Variants in NXN observed in about 807,000 individuals in gnomAD.
The protein encoded by NXN is nucleoredoxin 1.
NXN carries 16 observed loss-of-function variants against 48.6 expected under a neutral mutation model. The observed-to-expected ratio is 0.33, with a 90% confidence interval of 0.22 to 0.50. NXN has a LOEUF of 0.50. Among genes scored for constraint, NXN ranks in the 20% least tolerant of loss-of-function variants. The probability of loss-of-function intolerance (pLI) is 0.98; values close to 1 mark genes in which losing one functional copy is unlikely to be tolerated. For synonymous variants in NXN, 281 were observed against 269.6 expected (o/e 1.04, Z -0.41); for missense variants, 492 against 605.5 (o/e 0.81, Z 1.97).
intron 1 of NXN, 75 bp from the exon 2 acceptor site, chr17:826,153 G>A (rs1212077249): frequency 1.1e-6 from 1 of 951,120 alleles, no homozygotes; most frequent in South Asian, 1.3e-5. Context: ...AGCCCCTTAG[G>A]TCTGGAGGCT....
chr17:908,550 A>C (rs1017757007), intron 1 of NXN, among the ~76,000 whole-genome samples: 3 of 152,132 alleles, frequency 2.0e-5, no homozygotes, highest in African/African-American at 7.2e-5. Context: ...GAAACAAAAC[A>C]AAACAAAAAA....
rs1913066196 is a variant in NXN at position 825,745 on chromosome 17, A to T, written c.478+216T>A. 2 of 498,374 alleles carry T rather than the reference A, an allele frequency of 4.0e-6. No homozygotes were observed. The highest frequency in any genetic ancestry group is 2.7e-5 in the South Asian group (1 of 37,642). 30.9% of individuals were successfully genotyped at this position (498,374 alleles called of 1,614,324 possible). On this transcript the variant is annotated intron_variant, in intron 2 of 7. Transcript: ENST00000336868. The surrounding 1 kb of genome is among the most constrained non-coding windows in gnomAD (Gnocchi z 4.1). ...CCATCTCTTTTGGCCCATGAATTAA[A>T]GCCCCTAGGAGGGACATTCTGATCC... is the stretch of plus-strand genomic sequence containing the variant.
rs953741900 is a variant in NXN at position 920,437 on chromosome 17, G to A, written c.360+58882C>T. 2.6e-5 allele frequency among the ~76,000 whole-genome samples: 4 copies of A among 151,960 alleles called. No homozygotes were observed. Among genetic ancestry groups the A allele is most frequent in the Non-Finnish European group, 4.4e-5 (3 of 67,994 alleles). ...GCCAATGTAGCCTTGGGGATGCCGA[G>A]CCTGCCTGATCCCAATTCCTCCAGC... On this transcript the variant is annotated intron_variant, in intron 1 of 7. Transcript: ENST00000336868. The surrounding 1 kb of genome is among the most constrained non-coding windows in gnomAD (Gnocchi z 4.6).
intron 1 of NXN, among the ~76,000 whole-genome samples, chr17:831,456 CATTTATTTATTT>C (rs1555611695): frequency 6.9e-6 from 1 of 145,708 alleles, no homozygotes; most frequent in East Asian, 2.0e-4. Context: ...TTTATTTATT[CATTTATTTATTT>C]ATTTATTTAT....
intron 1 of NXN, among the ~76,000 whole-genome samples, chr17:859,121 G>A (rs552230663): frequency 6.9e-4 from 105 of 152,282 alleles, no homozygotes; most frequent in African/African-American, 2.4e-3. Context: ...CTCAAGAAAC[G>A]GAGCAAGCTA....
intron 1 of NXN, among the ~76,000 whole-genome samples, chr17:890,955 C>T (rs989225627): frequency 6.6e-6 from 1 of 152,158 alleles, no homozygotes; most frequent in Non-Finnish European, 1.5e-5. Flanking sequence ...ACGGCCCCTC[C>T]ATTTGCAAAG....
chr17:923,521 A>G (rs923506713), intron 1 of NXN, among the ~76,000 whole-genome samples: 3 of 152,218 alleles, frequency 2.0e-5, no homozygotes, highest in African/African-American at 7.2e-5. Flanking sequence ...GTGTCTCAAA[A>G]ACAAACAAAA....
intron 2 of NXN, 22 bp from the exon 3 acceptor site, chr17:823,787 A>G: frequency 6.2e-7 from 1 of 1,613,978 alleles, no homozygotes; most frequent in East Asian, 2.2e-5. Context: ...AACAGATGGT[A>G]AAAGAGGGCT....
At chr17:877,522 G>C (rs1380628269) in intron 1 of NXN, among the ~76,000 whole-genome samples, 1 of 152,162 alleles carries the variant, frequency 6.6e-6, no homozygotes, top group East Asian at 1.9e-4. Flanking sequence ...TGTGCTAAAG[G>C]CTGGGAACAG....
chr17:841,561 C>T (rs71206092), intron 1 of NXN, among the ~76,000 whole-genome samples: 813 of 36,714 alleles, frequency 0.022, 38 homozygotes, highest in Middle Eastern at 0.087. Flanking sequence ...GAGCAGGTCC[C>T]CCCTGACCAC....
At chr17:930,844 T>C (rs2068845953) in intron 1 of NXN, among the ~76,000 whole-genome samples, 1 of 150,910 alleles carries the variant, frequency 6.6e-6, no homozygotes, top group Admixed American at 6.6e-5. Context: ...CGATCTCGGC[T>C]CACTGCAACC....
At chr17:875,260 G>A (rs1250042791) in intron 1 of NXN, among the ~76,000 whole-genome samples, 1 of 152,114 alleles carries the variant, frequency 6.6e-6, no homozygotes, top group Non-Finnish European at 1.5e-5. Context: ...TTGAACTCCT[G>A]ACCTCAGGTG....
intron 1 of NXN, among the ~76,000 whole-genome samples, chr17:881,750 A>G (rs543852627): frequency 6.6e-5 from 10 of 152,334 alleles, no homozygotes; most frequent in African/African-American, 2.4e-4. Context: ...CTGTGACAAG[A>G]TGCTCGTCCA....
intron 1 of NXN, among the ~76,000 whole-genome samples, chr17:874,083 GTAAC>G (rs1306637096): frequency 6.6e-6 from 1 of 152,188 alleles, no homozygotes; most frequent in African/African-American, 2.4e-5. Context: ...CATGGGAGCA[GTAAC>G]CCTCCTGCTG....
chr17:872,307 G>GGA (rs145558544), intron 1 of NXN, among the ~76,000 whole-genome samples: 37 of 147,740 alleles, frequency 2.5e-4, no homozygotes, highest in African/African-American at 7.2e-4. Context: ...TCAAAGACTA[G>GGA]GAGAGAGAGA....
At chr17:931,363 G>A (rs887312812) in intron 1 of NXN, among the ~76,000 whole-genome samples, 2 of 150,656 alleles carry the variant, frequency 1.3e-5, no homozygotes, top group Non-Finnish European at 2.9e-5. Flanking sequence ...TGAGGCAGAA[G>A]AAATGCTTAA....
In NXN at chr17:966,353, T is replaced by G. The variant is rs149695588; in HGVS notation, c.360+12966A>C. On this transcript the variant is annotated intron_variant, in intron 1 of 7. Coordinates refer to ENST00000336868, the MANE Select transcript of NXN (RefSeq NM_022463.5). ...AGCTATCACTAGTGTTGTCAGCATT[T>G]TTTTTTCTTTTGAGATGGAGTTTCG... Among the ~76,000 whole-genome samples, 1,015 of 152,138 alleles carry G rather than the reference T, an allele frequency of 6.7e-3. 9 individuals are homozygous for G. The highest frequency in any genetic ancestry group is 0.023 in the African/African-American group (936 of 41,486).
chr17:949,108 T>C (rs867127847), intron 1 of NXN, among the ~76,000 whole-genome samples: 4 of 4 alleles, frequency 1, 2 homozygotes, highest in African/African-American at 1. Flanking sequence ...CCTCTCCCCG[T>C]GGCCTCCTCC....
chr17:954,997 C>T (rs1233201080), intron 1 of NXN, among the ~76,000 whole-genome samples: 9 of 152,024 alleles, frequency 5.9e-5, no homozygotes, highest in East Asian at 1.9e-4. Flanking sequence ...GTCTGCCCCG[C>T]GTCCCGGGCC....
Sources: allele counts gnomAD v4.1 joint callset (sites outside exome capture counted in the v4.1 genomes callset), GRCh38; gene constraint gnomAD v4.1.1; non-coding constraint Gnocchi (gnomAD v3.1); transcripts MANE v1.5; gene names NCBI Gene and HGNC (gene_info 2026-07-23, HGNC 2026-07-21).